The following CSMD1 variants were observed in gnomAD, a reference collection of about 807,000 sequenced individuals.
CSMD1 encodes CUB and Sushi multiple domains 1, also known as CUB and sushi domain-containing protein 1.
CSMD1 carries 213 observed loss-of-function variants against 417.5 expected under a neutral mutation model. The ratio of observed to expected loss-of-function variants is 0.51; its 90% confidence interval spans 0.46 to 0.57. The LOEUF (loss-of-function observed/expected upper bound fraction) is 0.57. Among genes scored for constraint, CSMD1 ranks in the 20% least tolerant of loss-of-function variants. The pLI, the probability that CSMD1 is intolerant of heterozygous loss-of-function variation, is 0.00. For missense variants in CSMD1, 6,923 were observed against 4,529.7 expected (o/e 1.53, Z -15.17); for synonymous variants, 2,862 against 1,736.8 (o/e 1.65, Z -16.11).
chr8:3,716,750 G>C (rs1585124595), intron 6 of CSMD1, among the ~76,000 whole-genome samples: 1 of 152,046 alleles, frequency 6.6e-6, no homozygotes, highest in African/African-American at 2.4e-5. Flanking sequence ...GAGTTGCTCT[G>C]GTTCAAACGC....
At chr8:4,274,990 G>T (rs1226894042) in intron 3 of CSMD1, among the ~76,000 whole-genome samples, 1 of 152,118 alleles carries the variant, frequency 6.6e-6, no homozygotes, top group South Asian at 2.1e-4. Flanking sequence ...GTGTGGTATA[G>T]AATGACAGGT....
In CSMD1 at chr8:3,814,340, C is replaced by A. The variant is rs1211985200; in HGVS notation, c.819-60298G>T. ...CTGCAAACCAGAGCCAGTTATCTGA[C>A]CAAGGACATCTTTGACTCTAGATGG... On this transcript the variant is annotated intron_variant, in intron 5 of 69. Transcript: ENST00000635120. 2.6e-5 allele frequency among the ~76,000 whole-genome samples: 4 copies of A among 152,166 alleles called. No homozygotes were observed. The East Asian group carries it at 5.8e-4, about 22-fold the overall frequency.
intron 14 of CSMD1, among the ~76,000 whole-genome samples, chr8:3,407,480 C>T (rs1563355987): frequency 1.3e-5 from 2 of 150,150 alleles, no homozygotes; most frequent in African/African-American, 4.9e-5. Flanking sequence ...TGGATAGATG[C>T]ATGGATGGAT....
chr8:4,362,702 T>G (rs78317752), intron 3 of CSMD1, among the ~76,000 whole-genome samples: 2 of 152,218 alleles, frequency 1.3e-5, no homozygotes, highest in South Asian at 2.1e-4. Context: ...CTGATAAGAT[T>G]TGTAAGAGAA....
intron 7 of CSMD1, among the ~76,000 whole-genome samples, chr8:3,674,202 C>T (rs924275280): frequency 1.3e-5 from 2 of 152,192 alleles, no homozygotes; most frequent in East Asian, 1.9e-4. Context: ...CCTGAGTTGT[C>T]TCTAGAATTA....
rs186352543 is a variant in CSMD1 at position 4,267,013 on chromosome 8, A to T, written c.415+152940T>A. On this transcript the variant is annotated intron_variant, in intron 3 of 69. Coordinates refer to ENST00000635120, the MANE Select transcript of CSMD1 (RefSeq NM_033225.6). ...ATCACTTTTGTGATTTTTACAAAAC[A>T]AAAGCATAAAACCTAGTAATGTAAC... is the stretch of plus-strand genomic sequence containing the variant. Among the ~76,000 whole-genome samples, 28 of 104,694 alleles carry T rather than the reference A, an allele frequency of 2.7e-4. 1 individual carries two copies. The highest frequency in any genetic ancestry group is 7.0e-4 in the African/African-American group (27 of 38,632). 68.7% of individuals were successfully genotyped at this position (104,694 alleles called of 152,430 possible). A position where few individuals can be genotyped will look rare whatever the true frequency, so the allele number is the denominator to read the frequency against.
intron 2 of CSMD1, among the ~76,000 whole-genome samples, chr8:4,595,499 G>A (rs1255017336): frequency 1.3e-5 from 2 of 152,042 alleles, no homozygotes; most frequent in South Asian, 2.1e-4. Context: ...TCAAATGGTG[G>A]CAATTGTTTT....
intron 10 of CSMD1, among the ~76,000 whole-genome samples, chr8:3,569,042 C>A (rs762272104): frequency 6.6e-6 from 1 of 152,106 alleles, no homozygotes; most frequent in Non-Finnish European, 1.5e-5. Flanking sequence ...AATGTGTCTA[C>A]AATAAAACAT....
chr8:3,878,506 T>C (rs1433449439), intron 5 of CSMD1, among the ~76,000 whole-genome samples: 1 of 152,170 alleles, frequency 6.6e-6, no homozygotes, highest in Non-Finnish European at 1.5e-5. Flanking sequence ...GCTAGCTTTT[T>C]AATATTTTTA....
At chr8:4,284,051 T>C (rs11985294) in intron 3 of CSMD1, among the ~76,000 whole-genome samples, 1 of 151,404 alleles carries the variant, frequency 6.6e-6, no homozygotes, top group South Asian at 2.1e-4. Flanking sequence ...TGGCCATCAT[T>C]GTGAAACCTG....
intron 12 of CSMD1, among the ~76,000 whole-genome samples, chr8:3,440,727 AG>A (rs1382648963): frequency 3.3e-5 from 5 of 152,162 alleles, no homozygotes; most frequent in Admixed American, 2.0e-4. Flanking sequence ...TCTTACTCTT[AG>A]GGGGTAACAT....
chr8:3,481,154 CAAA>C (rs1221192557), intron 11 of CSMD1, among the ~76,000 whole-genome samples: 3 of 69,440 alleles, frequency 4.3e-5, no homozygotes, highest in African/African-American at 1.6e-4. Context: ...GACTCCATCT[CAAA>C]AAAAAAAAAA....
intron 52 of CSMD1, among the ~76,000 whole-genome samples, chr8:3,016,367 T>C (rs902734695): frequency 6.6e-6 from 1 of 152,204 alleles, no homozygotes; most frequent in Non-Finnish European, 1.5e-5. Flanking sequence ...CACTCATCCC[T>C]ATTTTCCTCT....
At chr8:4,140,994 C>T (rs186178134) in intron 3 of CSMD1, among the ~76,000 whole-genome samples, 25 of 151,298 alleles carry the variant, frequency 1.7e-4, no homozygotes, top group Non-Finnish European at 3.1e-4. Flanking sequence ...AAGATTTAGG[C>T]AGACAGAAAG....
intron 10 of CSMD1, among the ~76,000 whole-genome samples, chr8:3,547,779 T>G (rs1798737632): frequency 6.6e-6 from 1 of 152,200 alleles, no homozygotes; most frequent in Admixed American, 6.5e-5. Context: ...TTTTTCTTGT[T>G]GCTCTTTAAG....
intron 5 of CSMD1, among the ~76,000 whole-genome samples, chr8:3,808,565 G>T (rs931709820): frequency 6.6e-6 from 1 of 152,128 alleles, no homozygotes; most frequent in Admixed American, 6.5e-5. Context: ...TATGATATGG[G>T]GAGAATCCTC....
At chr8:4,313,746 T>C (rs1798762158) in intron 3 of CSMD1, among the ~76,000 whole-genome samples, 1 of 152,098 alleles carries the variant, frequency 6.6e-6, no homozygotes, top group Admixed American at 6.6e-5. Flanking sequence ...CCGGGCACAG[T>C]GGCTCACACC....
chr8:4,987,533 T>G (rs977374989), intron 1 of CSMD1, among the ~76,000 whole-genome samples: 1 of 152,196 alleles, frequency 6.6e-6, no homozygotes, highest in African/African-American at 2.4e-5. Context: ...TTGAATTTCA[T>G]TGAGGTTGAA....
rs144955027 is a variant in CSMD1 at position 3,750,099 on chromosome 8, G to C, written c.931+3831C>G. Among the ~76,000 whole-genome samples the C allele has an allele frequency of 2.2e-3, 332 of 152,162 alleles. 2 individuals carry two copies. The highest frequency in any genetic ancestry group is 7.3e-3 in the African/African-American group (305 of 41,530). ...TGTTTGTTTTAGTTGCTTTGGGCTGGGGAGGCATTGAATATGAGGAAGGCT... is the reference window on the plus strand; with the variant it reads ...TGTTTGTTTTAGTTGCTTTGGGCTGCGGAGGCATTGAATATGAGGAAGGCT... On this transcript the variant is annotated intron_variant, in intron 6 of 69. Transcript: ENST00000635120.
Sources: allele counts gnomAD v4.1 joint callset (sites outside exome capture counted in the v4.1 genomes callset), GRCh38; gene constraint gnomAD v4.1.1; transcripts MANE v1.5; gene names NCBI Gene and HGNC (gene_info 2026-07-23, HGNC 2026-07-21).